Variants in GTF2B observed in about 807,000 individuals in gnomAD.
GTF2B encodes general transcription factor IIB.
GTF2B carries 20 observed loss-of-function variants against 34.6 expected under a neutral mutation model. The observed-to-expected ratio is 0.58, with a 90% confidence interval of 0.41 to 0.84. The LOEUF (loss-of-function observed/expected upper bound fraction) is 0.84. GTF2B is among the 40% of genes least tolerant of loss of function. The pLI is 0.00. For synonymous variants in GTF2B, 142 were observed against 132.4 expected, an observed-to-expected ratio of 1.07 and a Z score of -0.50; for missense variants, 237 against 393.3, an observed-to-expected ratio of 0.60 and a Z score of 3.36.
rs1310912928 is a variant in GTF2B at position 88,856,274 on chromosome 1, AAAAAAAAAAAAAAAAAC to A, written c.817+915_817+931del. Among the ~76,000 whole-genome samples the A allele has an allele frequency of 1.7e-4, 21 of 122,016 alleles. 1 individual carries two copies. Among genetic ancestry groups the A allele is most frequent in the South Asian group, 4.9e-4 (2 of 4,056 alleles). The allele number at this position is 122,016 out of a possible 152,430, so 80.0% of individuals were successfully genotyped here. A position where few individuals can be genotyped will look rare whatever the true frequency, so the allele number is the denominator to read the frequency against. On this transcript the variant is annotated intron_variant, in intron 6 of 6. Coordinates refer to ENST00000370500, the MANE Select transcript of GTF2B (RefSeq NM_001514.6). Reference sequence around the variant, plus strand: ...ACAGAGGGAGACTGTTTCAAAAACAAAAAAAAAAAAAAAAAACAAAAAAAAAAAAGGAAAAGAAATTC... The same window carrying A: ...ACAGAGGGAGACTGTTTCAAAAACAAAAAAAAAAAAAAGGAAAAGAAATTC...
At chr1:88,861,661 T>A (rs1557654066) in intron 3 of GTF2B, among the ~76,000 whole-genome samples, 1 of 151,954 alleles carries the variant, frequency 6.6e-6, no homozygotes, top group African/African-American at 2.4e-5. Flanking sequence ...CGAAACTCTG[T>A]CTCAAACAAA....
At chr1:88,873,995 G>C (rs1673757578) in intron 2 of GTF2B, among the ~76,000 whole-genome samples, 1 of 152,196 alleles carries the variant, frequency 6.6e-6, no homozygotes, top group Non-Finnish European at 1.5e-5. Context: ...GAAATAATAG[G>C]ATGGGGGAGA....
In GTF2B at chr1:88,852,667, T is replaced by C. The variant is rs1673218599; in HGVS notation, c.*546A>G. 6.6e-6 allele frequency among the ~76,000 whole-genome samples: 1 copy of C among 152,166 alleles called. No homozygotes were observed. The highest frequency in any genetic ancestry group is 1.5e-5 in the Non-Finnish European group (1 of 68,034). ...TAGAACATTTTAATGTCTCTCAAGC[T>C]GGTGCCTTTCAAGGCCCAAGCTCAT... On this transcript the variant is annotated 3_prime_UTR_variant, in exon 7 of 7. Coordinates refer to ENST00000370500, the MANE Select transcript of GTF2B (RefSeq NM_001514.6).
rs1302295632 is a variant in GTF2B at position 88,853,184 on chromosome 1, T to C, written c.*29A>G. 6.2e-7 allele frequency: 1 copy of C among 1,610,246 alleles called. No homozygotes were observed. On this transcript the variant is annotated 3_prime_UTR_variant, in exon 7 of 7. Coordinates refer to ENST00000370500, the MANE Select transcript of GTF2B (RefSeq NM_001514.6). Reference sequence around the variant, plus strand: ...TATGTACAACAGGCAAAGTTTTGTATTCAAGAATTTGACGTTAGCTGCCTC... The same window carrying C: ...TATGTACAACAGGCAAAGTTTTGTACTCAAGAATTTGACGTTAGCTGCCTC...
At chr1:88,870,114 G>C (rs979494622) in intron 2 of GTF2B, among the ~76,000 whole-genome samples, 1 of 151,808 alleles carries the variant, frequency 6.6e-6, no homozygotes, top group Non-Finnish European at 1.5e-5. Context: ...TTTCAGTAGA[G>C]ACAGGGTTTC....
intron 6 of GTF2B, 93 bp downstream of exon 6, chr1:88,857,113 C>T: frequency 8.4e-7 from 1 of 1,195,008 alleles, no homozygotes; most frequent in Non-Finnish European, 1.2e-6. Context: ...ATGTGGGTTT[C>T]TTGCTATTTA....
At chr1:88,885,236 C>T (rs1674035828) in intron 2 of GTF2B, among the ~76,000 whole-genome samples, 1 of 151,752 alleles carries the variant, frequency 6.6e-6, no homozygotes, top group Non-Finnish European at 1.5e-5. Flanking sequence ...GTCAGGAGTT[C>T]AAGACCAGCC....
intron 3 of GTF2B, among the ~76,000 whole-genome samples, chr1:88,861,858 AG>A (rs1673448445): frequency 6.6e-6 from 1 of 152,206 alleles, no homozygotes; most frequent in African/African-American, 2.4e-5. Flanking sequence ...AAAACCCCAC[AG>A]GAAACAGAAT....
intron 5 of GTF2B, among the ~76,000 whole-genome samples, chr1:88,858,190 G>A (rs1219554993): frequency 1.3e-5 from 2 of 151,764 alleles, no homozygotes; most frequent in Admixed American, 6.6e-5. Context: ...TAGTAGAGAT[G>A]GGGTTTCACC....
chr1:88,869,840 A>G (rs28655077), intron 2 of GTF2B, among the ~76,000 whole-genome samples: 14,175 of 151,698 alleles, frequency 0.093, 1,373 homozygotes, highest in African/African-American at 0.25. Context: ...TGCCAGGCTC[A>G]TGTCGAATTC....
intron 2 of GTF2B, among the ~76,000 whole-genome samples, chr1:88,867,520 T>G: frequency 6.6e-6 from 1 of 151,704 alleles, no homozygotes; most frequent in Non-Finnish European, 1.5e-5. Flanking sequence ...ACCGTGGCCT[T>G]CAAACCCAGA....
chr1:88,873,182 G>A (rs1034332238), intron 2 of GTF2B, among the ~76,000 whole-genome samples: 6 of 100,448 alleles, frequency 6.0e-5, no homozygotes, highest in Admixed American at 5.8e-4. Flanking sequence ...ATTCCATTAA[G>A]TTTTTTTTTT....
chr1:88,886,145 G>A (rs1043590327), intron 2 of GTF2B, among the ~76,000 whole-genome samples: 5 of 152,058 alleles, frequency 3.3e-5, no homozygotes, highest in Admixed American at 2.6e-4. Context: ...AGCAGAATAC[G>A]GTTGCAAATG....
chr1:88,864,179 A>G, intron 2 of GTF2B, 65 bp from the exon 3 acceptor site: 1 of 1,458,032 alleles, frequency 6.9e-7, no homozygotes, highest in Non-Finnish European at 9.6e-7. Flanking sequence ...TACACTGTCC[A>G]ATGCCCAACT....
Position 88,853,161 on chromosome 1 carries a change from T to C in GTF2B, c.*52A>G, listed in dbSNP as rs1673230253. 6.4e-6 allele frequency: 10 copies of C among 1,573,006 alleles called. No homozygotes were observed. The highest frequency in any genetic ancestry group is 3.3e-5 in the South Asian group (3 of 90,224). On this transcript the variant is annotated 3_prime_UTR_variant, in exon 7 of 7. Transcript: ENST00000370500. Reference sequence around the variant, plus strand: ...TCAACCCAGCATTTTGTATAGGCTATGTACAACAGGCAAAGTTTTGTATTC... The same window carrying C: ...TCAACCCAGCATTTTGTATAGGCTACGTACAACAGGCAAAGTTTTGTATTC...
chr1:88,887,492 A>G (rs765814167), intron 1 of GTF2B, 125 bp from the exon 2 acceptor site: 90 of 647,648 alleles, frequency 1.4e-4, no homozygotes, highest in Non-Finnish European at 2.1e-4. Context: ...TGTAACACAT[A>G]TAAGCTAGAT....
chr1:88,866,036 C>A (rs1352634855), intron 2 of GTF2B, among the ~76,000 whole-genome samples: 2 of 151,818 alleles, frequency 1.3e-5, no homozygotes, highest in South Asian at 2.1e-4. Context: ...CATAAACAAC[C>A]AGAGTATAGT....
chr1:88,890,157 T>TAA (rs58132302), intron 1 of GTF2B, among the ~76,000 whole-genome samples: 13,746 of 141,258 alleles, frequency 0.097, 1,413 homozygotes, highest in African/African-American at 0.27. Context: ...ATGATAGAAT[T>TAA]AAAAAAAAAA....
At chr1:88,878,911 C>T (rs1673869940) in intron 2 of GTF2B, among the ~76,000 whole-genome samples, 1 of 152,192 alleles carries the variant, frequency 6.6e-6, no homozygotes, top group Non-Finnish European at 1.5e-5. Flanking sequence ...ACCAGAAATG[C>T]AAGTGAAGAA....
Sources: allele counts gnomAD v4.1 joint callset (sites outside exome capture counted in the v4.1 genomes callset), GRCh38; gene constraint gnomAD v4.1.1; transcripts MANE v1.5; gene names NCBI Gene and HGNC (gene_info 2026-07-23, HGNC 2026-07-21).